Variants in BRD7 observed in about 807,000 individuals in gnomAD.
BRD7 encodes the protein bromodomain containing 7.
A neutral mutation model predicts 82.1 loss-of-function variants in BRD7; 15 were observed. That is an observed-to-expected ratio of 0.18 (90% CI 0.12 to 0.28). The LOEUF is 0.28. BRD7 is among the 10% of genes least tolerant of loss of function. BRD7 has a pLI of 1.00. For synonymous variants in BRD7, 232 were observed against 266.9 expected (o/e 0.87, Z 1.27); for missense variants, 638 against 779.9 (o/e 0.82, Z 2.17).
At chr16:50,368,454 G>C in intron 1 of BRD7, 156 bp from the exon 2 acceptor site, 1 of 891,646 alleles carries the variant, frequency 1.1e-6, no homozygotes, top group South Asian at 1.8e-5. Flanking sequence ...CGGCCCGGGG[G>C]TGCGGCGGCG....
intron 5 of BRD7, among the ~76,000 whole-genome samples, chr16:50,342,014 C>T (rs949485858): frequency 2.0e-5 from 3 of 151,190 alleles, no homozygotes; most frequent in African/African-American, 4.9e-5. Context: ...TACTTTAGGC[C>T]GTTGAGCTTT....
chr16:50,349,674 C>A, intron 5 of BRD7: 1 of 451,278 alleles, frequency 2.2e-6, no homozygotes, highest in Admixed American at 2.7e-5. Flanking sequence ...TCTCATATGT[C>A]TAGAAATAGA....
At chr16:50,326,154 G>T in intron 10 of BRD7, 130 bp downstream of exon 10, 1 of 760,130 alleles carries the variant, frequency 1.3e-6, no homozygotes, top group Non-Finnish European at 2.1e-6. Flanking sequence ...TAATAAAATA[G>T]CTAATTAATG....
At chr16:50,363,654 TGTGTGTGCGCGCGCGCGCGTGCGC>T (rs2039017431) in intron 2 of BRD7, among the ~76,000 whole-genome samples, 1 of 93,110 alleles carries the variant, frequency 1.1e-5, no homozygotes, top group Non-Finnish European at 2.5e-5. Context: ...TGTGTGTGTG[TGTGTGTGCGCGCGCGCGCGTGCGC>T]GTGTGCTTCC....
chr16:50,324,437 AC>A (rs746560422), intron 11 of BRD7, among the ~76,000 whole-genome samples: 5 of 152,052 alleles, frequency 3.3e-5, no homozygotes, highest in Non-Finnish European at 7.4e-5. Flanking sequence ...CTCGCAATCC[AC>A]CAGTAACTTC....
rs556518336 is a variant in BRD7, at chr16:50,318,108, A to G, written c.*1103T>C. 4.6e-5 allele frequency: 7 copies of G among 152,430 alleles called. No individual in the cohort carries two copies. Among genetic ancestry groups the G allele is most frequent in the Admixed American group, 3.3e-4 (5 of 15,308 alleles). 9.4% of individuals were successfully genotyped at this position (152,430 alleles called of 1,614,324 possible). ...ACCAGTGTTTAGCTGCTTTTTATAC[A>G]TTAAATTAGCAATTTGAAAAACTCA... On this transcript the variant is annotated 3_prime_UTR_variant, in exon 17 of 17. Transcript: ENST00000394688.
chr16:50,362,126 T>G (rs1239371487), intron 2 of BRD7, among the ~76,000 whole-genome samples: 1 of 152,218 alleles, frequency 6.6e-6, no homozygotes, highest in Non-Finnish European at 1.5e-5. Flanking sequence ...ATCACTGTAT[T>G]TTGATTTCTA....
intron 5 of BRD7, among the ~76,000 whole-genome samples, chr16:50,342,888 T>C (rs776187733): frequency 7.2e-5 from 11 of 152,122 alleles, no homozygotes; most frequent in Non-Finnish European, 1.5e-4. Context: ...GAATACATAG[T>C]AAATTTTAAT....
At chr16:50,330,459 G>A (rs973691998) in intron 8 of BRD7, among the ~76,000 whole-genome samples, 26 of 151,218 alleles carry the variant, frequency 1.7e-4, no homozygotes, top group African/African-American at 6.3e-4. Flanking sequence ...AGGTAATGGT[G>A]TTTAGGTATA....
intron 12 of BRD7, among the ~76,000 whole-genome samples, chr16:50,323,258 C>A (rs2151135030): frequency 6.6e-6 from 1 of 152,352 alleles, no homozygotes; most frequent in African/African-American, 2.4e-5. Context: ...ATCATTTTAG[C>A]CAACTTAGTT....
chr16:50,324,502 G>A (rs2037254293), intron 11 of BRD7, among the ~76,000 whole-genome samples: 1 of 151,992 alleles, frequency 6.6e-6, no homozygotes, highest in Admixed American at 6.6e-5. Flanking sequence ...TCTCATCAAC[G>A]CCCTCCCTGG....
intron 2 of BRD7, among the ~76,000 whole-genome samples, chr16:50,358,040 G>T (rs1426464083): frequency 6.6e-6 from 1 of 152,050 alleles, no homozygotes; most frequent in East Asian, 1.9e-4. Context: ...AAACATTTAG[G>T]CTTTGTGGCC....
intron 13 of BRD7, among the ~76,000 whole-genome samples, chr16:50,321,298 T>G (rs1269251108): frequency 6.6e-6 from 1 of 152,192 alleles, no homozygotes; most frequent in Non-Finnish European, 1.5e-5. Context: ...CAGTGGCTCA[T>G]GCCTGTAATC....
At chr16:50,353,687 G>A (rs771028117) in intron 4 of BRD7, among the ~76,000 whole-genome samples, 5 of 151,820 alleles carry the variant, frequency 3.3e-5, no homozygotes, top group African/African-American at 4.8e-5. Context: ...TCCATCTCCT[G>A]GGTTCACACC....
At chr16:50,339,138 T>C (rs2037940971) in intron 6 of BRD7, among the ~76,000 whole-genome samples, 1 of 152,272 alleles carries the variant, frequency 6.6e-6, no homozygotes, top group African/African-American at 2.4e-5. Context: ...ACGCACACAC[T>C]TCTCTGACCT....
In BRD7 at chr16:50,354,490, A is replaced by G; in HGVS notation, c.389-8T>C. 8.1e-6 allele frequency: 13 copies of G among 1,608,384 alleles called. No homozygotes were observed. Among genetic ancestry groups the G allele is most frequent in the Non-Finnish European group, 1.1e-5 (13 of 1,176,564 alleles). The stretch of plus-strand genomic sequence containing the variant: ...GGGGTGTCTGTTCTACTTCTAAAGC[A>G]AAGAAGAAGGGAAAAGGGTATTTTA... On this transcript the variant is annotated splice_polypyrimidine_tract_variant and splice_region_variant and intron_variant, in intron 3 of 16. Coordinates refer to ENST00000394688, the MANE Select transcript of BRD7 (RefSeq NM_013263.5).
intron 11 of BRD7, among the ~76,000 whole-genome samples, chr16:50,324,518 T>TG (rs891027861): frequency 6.6e-6 from 1 of 152,210 alleles, no homozygotes; most frequent in African/African-American, 2.4e-5. Context: ...CCTGGCCATG[T>TG]GCCTGCACTC....
chr16:50,363,660 T>TGTGTGCGC lies in BRD7; in HGVS notation c.258+4429_258+4430insGCGCACAC, dbSNP rs138025982. 5.0e-3 allele frequency among the ~76,000 whole-genome samples: 516 copies of TGTGTGCGC among 102,500 alleles called. 3 individuals are homozygous for TGTGTGCGC. The highest frequency in any genetic ancestry group is 9.0e-3 in the Non-Finnish European group (325 of 36,094). 67.2% of individuals were successfully genotyped at this position (102,500 alleles called of 152,430 possible). A position where few individuals can be genotyped will look rare whatever the true frequency, so the allele number is the denominator to read the frequency against. ...GTGTGTTTGTGTGTGTGTGTGTGTG[T>TGTGTGCGC]GCGCGCGCGCGCGTGCGCGTGTGCT... On this transcript the variant is annotated intron_variant, in intron 2 of 16. Coordinates refer to ENST00000394688, the MANE Select transcript of BRD7 (RefSeq NM_013263.5).
intron 7 of BRD7, among the ~76,000 whole-genome samples, chr16:50,334,242 G>A (rs1597046466): frequency 6.6e-6 from 1 of 152,278 alleles, no homozygotes; most frequent in African/African-American, 2.4e-5. Context: ...GGCTGCCTAG[G>A]TGGAACAGTG....
Sources: allele counts gnomAD v4.1 joint callset (sites outside exome capture counted in the v4.1 genomes callset), GRCh38; gene constraint gnomAD v4.1.1; transcripts MANE v1.5; gene names NCBI Gene and HGNC (gene_info 2026-07-23, HGNC 2026-07-21).